The following ESYT1 variants were observed in gnomAD, a reference collection of about 807,000 sequenced individuals.
ESYT1 encodes the protein extended synaptotagmin 1, also known as extended synaptotagmin-1.
Under a neutral mutation model 154.2 loss-of-function variants are expected in ESYT1, and 116 were observed. The observed-to-expected ratio is 0.75, with a 90% CI of 0.65 to 0.88. The LOEUF (loss-of-function observed/expected upper bound fraction) is 0.88. Among genes scored for constraint, ESYT1 ranks in the 40% least tolerant of loss-of-function variants. The probability of loss-of-function intolerance (pLI) is 0.00; values close to 1 mark genes in which losing one functional copy is unlikely to be tolerated. For missense variants in ESYT1, 1,264 were observed against 1,379.3 expected (o/e 0.92, Z 1.32); for synonymous variants, 500 against 539.9 (o/e 0.93, Z 1.02).
At position 56,143,604 on chromosome 12, in the gene ESYT1, G is replaced by T; in HGVS notation, c.3250G>T (p.Asp1084Tyr). 1 of 1,614,176 alleles carries T rather than the reference G, an allele frequency of 6.2e-7. No individual in the cohort carries two copies. Among genetic ancestry groups the T allele is most frequent in the Non-Finnish European group, 8.5e-7 (1 of 1,180,032 alleles). The change falls in exon 30 of 31, where the codon GAC becomes TAC. Residue 1084 changes from aspartate (D) to tyrosine (Y), a missense_variant. Physicochemically the swap from Asp to Tyr is radical, Grantham distance 160. Coordinates refer to ENST00000394048, the MANE Select transcript of ESYT1 (RefSeq NM_015292.3). ...GGTGCAGCTGGACCTAGCTGAGACA[G>T]ACCTTTCCCAGGGTGTAGCCCGGTG... ...GKVQLDLAETDLSQGVARWYD... is the reference protein window; with the variant it reads ...GKVQLDLAETYLSQGVARWYD...
At chr12:56,143,408 A>T in intron 29 of ESYT1, 75 bp downstream of exon 29, 1 of 1,530,486 alleles carries the variant, frequency 6.5e-7, no homozygotes, top group Non-Finnish European at 9.0e-7. Context: ...CCTGTGAGGA[A>T]GGAAGTACCC....
intron 24 of ESYT1, among the ~76,000 whole-genome samples, 165 bp downstream of exon 24, chr12:56,139,178 G>A (rs1033924276): frequency 1.3e-5 from 2 of 148,892 alleles, no homozygotes; most frequent in Non-Finnish European, 3.0e-5. Flanking sequence ...GTGCTATCTT[G>A]GCTCACTGCA....
chr12:56,139,409 G>A (rs1302992675), intron 24 of ESYT1, among the ~76,000 whole-genome samples: 1 of 151,756 alleles, frequency 6.6e-6, no homozygotes, highest in African/African-American at 2.4e-5. Flanking sequence ...ACCGCACCCG[G>A]CCAAAAGATT....
In ESYT1 at chr12:56,131,067, C is replaced by T. The variant is rs762109837; in HGVS notation, c.595C>T (p.His199Tyr). The change falls in exon 4 of 31, where the codon CAC (histidine) becomes TAC (tyrosine). Residue 199 changes from histidine to tyrosine, a missense_variant. By Grantham distance (83) the His-to-Tyr change is moderately conservative. Coordinates refer to ENST00000394048, the MANE Select transcript of ESYT1 (RefSeq NM_015292.3). ...KPLRIIGVKV[H>Y]PGQRKEQILL... ...ATTGCGCATCATTGGAGTCAAGGTTCACCCAGGTCAGAGAAAAGAGCAGAT... is the reference window on the plus strand; with the variant it reads ...ATTGCGCATCATTGGAGTCAAGGTTTACCCAGGTCAGAGAAAAGAGCAGAT... 1.9e-6 allele frequency: 3 copies of T among 1,614,176 alleles called. 1 individual carries two copies. In the South Asian group the frequency reaches 3.3e-5, roughly 18 times the overall value.
Position 56,137,139 on chromosome 12 carries a change from C to CCT in ESYT1, c.1783-76_1783-75dup. 3.2e-6 allele frequency: 5 copies of CCT among 1,564,054 alleles called. No homozygotes were observed. In the South Asian group the frequency reaches 5.9e-5, roughly 18 times the overall value. ...ACCTAGTTCCCCTGTCACAGCCCCT[C>CCT]CTCTACCCCACCCCACATGCTTTGC... On this transcript the variant is annotated intron_variant, in intron 16 of 30. Coordinates refer to ENST00000394048, the MANE Select transcript of ESYT1 (RefSeq NM_015292.3).
chr12:56,138,690 T>C (rs913524441), intron 22 of ESYT1, 78 bp from the exon 23 acceptor site: 2 of 1,438,926 alleles, frequency 1.4e-6, no homozygotes, highest in African/African-American at 1.4e-5. Flanking sequence ...ACATGGCTGC[T>C]GGCTGTGGAT....
At chr12:56,134,067 C>T (rs752048426) in intron 13 of ESYT1, 43 bp from the exon 14 acceptor site, 6 of 1,611,072 alleles carry the variant, frequency 3.7e-6, no homozygotes, top group Non-Finnish European at 5.1e-6. Context: ...AAACCAAAAC[C>T]GAATCCCCCA....
chr12:56,128,789 A>G lies in ESYT1; in HGVS notation c.390+80A>G, dbSNP rs911809195. The G allele has an allele frequency of 2.6e-6, 4 of 1,552,488 alleles. No homozygotes were observed. In the East Asian group the frequency reaches 6.8e-5, roughly 26 times the overall value. ...TCTGGGGCTTTTCCTCCTTATGCCTAGAGTCAGCTCCCTGCCTTGGGACAG... is the reference window on the plus strand; with the variant it reads ...TCTGGGGCTTTTCCTCCTTATGCCTGGAGTCAGCTCCCTGCCTTGGGACAG... On this transcript the variant is annotated intron_variant, in intron 1 of 30. Coordinates refer to ENST00000394048, the MANE Select transcript of ESYT1 (RefSeq NM_015292.3).
In ESYT1 at chr12:56,142,781, T is replaced by G; in HGVS notation, c.2888+49T>G. 6.2e-7 allele frequency: 1 copy of G among 1,613,432 alleles called. No individual in the cohort carries two copies. The highest frequency in any genetic ancestry group is 1.7e-5 in the Admixed American group (1 of 59,932). On this transcript the variant is annotated intron_variant, in intron 26 of 30. Transcript: ENST00000394048. This position sits in a 1 kb window ranked among gnomAD's most constrained non-coding sequence, Gnocchi z 4.1. ...GGGACGCAGTCAGAAATAAAAAGTA[T>G]TACAGGTTCACTAGGCTCTAGCTTT...
Position 56,143,562 on chromosome 12 carries a change from T to C in ESYT1, c.3226-18T>C. On this transcript the variant is annotated intron_variant, in intron 29 of 30. Transcript: ENST00000394048. ...AATAAAAGAAATAACATCTTTCCCC[T>C]ATCATCTTCCAACACAGGTGCAGCT... The C allele has an allele frequency of 6.2e-7, 1 of 1,613,978 alleles. No homozygotes were observed. The highest frequency in any genetic ancestry group is 8.5e-7 in the Non-Finnish European group (1 of 1,179,970).
chr12:56,130,748 G>A lies in ESYT1; in HGVS notation c.433-43G>A, dbSNP rs762996341. ...GATTCTGAAGGAACTTGCCTTGAGA[G>A]GGAAGACTGGACTCTCCTCTGACCA... On this transcript the variant is annotated intron_variant, in intron 2 of 30. Coordinates refer to ENST00000394048, the MANE Select transcript of ESYT1 (RefSeq NM_015292.3). 5 of 1,613,266 alleles carry A rather than the reference G, an allele frequency of 3.1e-6. No homozygotes were observed. The Middle Eastern group carries it at 8.6e-4, about 277-fold the overall frequency.
rs957602380 is a variant in ESYT1 at position 56,144,557 on chromosome 12, T to C, written c.*695T>C. On this transcript the variant is annotated 3_prime_UTR_variant, in exon 31 of 31. Transcript: ENST00000394048. ...AGGACTTGGGACAGCAGGGCCAATTTTTTTGCCCAAGTGCCTAGGCTGCTA... is the reference window on the plus strand; with the variant it reads ...AGGACTTGGGACAGCAGGGCCAATTCTTTTGCCCAAGTGCCTAGGCTGCTA... 2 of 985,364 alleles carry C rather than the reference T, an allele frequency of 2.0e-6. No individual in the cohort carries two copies. Among genetic ancestry groups the C allele is most frequent in the African/African-American group, 1.7e-5 (1 of 57,218 alleles). The allele number at this position is 985,364 out of a possible 1,614,324, so 61.0% of individuals were successfully genotyped here.
rs1445072079 is a variant in ESYT1 at position 56,142,929 on chromosome 12, T to C, written c.2983T>C (p.Cys995Arg). The change falls in exon 27 of 31, where the codon TGC becomes CGC. Residue 995 changes from cysteine to arginine, a missense_variant. By Grantham distance (180) the Cys-to-Arg change is radical. Coordinates refer to ENST00000394048, the MANE Select transcript of ESYT1 (RefSeq NM_015292.3). The surrounding 1 kb of genome is among the most constrained non-coding windows in gnomAD (Gnocchi z 4.1). ...ERKLVSIVHG[C>R]RSLRQNGRDP... ...AAAGCTGGTCAGCATTGTTCATGGT[T>C]GCCGGTGAGACCCCATCCCTCCTGT... The C allele has an allele frequency of 6.2e-7, 1 of 1,614,178 alleles. No individual in the cohort carries two copies.
rs971589082 is a variant in ESYT1 at position 56,132,507 on chromosome 12, C to A, written c.1071C>A (p.Asp357Glu). 2 of 1,614,090 alleles carry A rather than the reference C, an allele frequency of 1.2e-6. No homozygotes were observed. The highest frequency in any genetic ancestry group is 2.7e-5 in the African/African-American group (2 of 74,924). The stretch of plus-strand genomic sequence containing the variant: ...AGGGCCTGATTGAGGGCAAGTCAGA[C>A]CCATATGCACTTGTGCGTTTGGGTA... ...YVKGLIEGKS[D>E]PYALVRLGTQ... Residue 357 changes from aspartate to glutamate, a missense_variant, in exon 9 of 31, where the codon GAC becomes GAA. Transcript: ENST00000394048.
At chr12:56,136,652 G>C in intron 15 of ESYT1, 92 bp from the exon 16 acceptor site, 1 of 1,139,454 alleles carries the variant, frequency 8.8e-7, no homozygotes, top group Non-Finnish European at 1.2e-6. Context: ...TTGGTACAGA[G>C]AGGAATGAAG....
intron 15 of ESYT1, among the ~76,000 whole-genome samples, chr12:56,135,038 T>C (rs973206875): frequency 6.6e-6 from 1 of 152,028 alleles, no homozygotes; most frequent in Non-Finnish European, 1.5e-5. Context: ...TTAACAATTT[T>C]ATTGAGGCAT....
At position 56,138,499 on chromosome 12, in the gene ESYT1, G is replaced by A. The variant is rs766881265; in HGVS notation, c.2433G>A (p.Pro811=). 34 of 1,603,332 alleles carry A rather than the reference G, an allele frequency of 2.1e-5. No homozygotes were observed. Among genetic ancestry groups the A allele is most frequent in the Middle Eastern group, 1.7e-4 (1 of 6,018 alleles). ...ATATGGAGCGGGCAGAGGACCTCCC[G>A]GTGAGATCCCGCTCCCCATGCCCCA... is the stretch of plus-strand genomic sequence containing the variant. The part of the protein sequence containing the change: ...SIYMERAEDL[P]LRKGTKHLSP... Residue 811 remains proline, a splice_region_variant and synonymous_variant, in exon 22 of 31, where the codon CCG becomes CCA. Transcript: ENST00000394048.
At position 56,137,170 on chromosome 12, in the gene ESYT1, G is replaced by C. The variant is rs1306731619; in HGVS notation, c.1783-48G>C. ...CCCCACCCCACATGCTTTGCCTGCT[G>C]GTGACGAGCTGCACTTCTTTGATTC... On this transcript the variant is annotated intron_variant, in intron 16 of 30. Transcript: ENST00000394048. 3.1e-6 allele frequency: 5 copies of C among 1,608,682 alleles called. No homozygotes were observed. In the African/African-American group the frequency reaches 6.7e-5, roughly 21 times the overall value.
rs1365334589 is a variant in ESYT1 at position 56,128,378 on chromosome 12, C to T, written c.59C>T (p.Pro20Leu). 6.2e-7 allele frequency: 1 copy of T among 1,612,392 alleles called. No homozygotes were observed. The highest frequency in any genetic ancestry group is 8.5e-7 in the Non-Finnish European group (1 of 1,179,282). Residue 20 changes from proline to leucine, a missense_variant, in exon 1 of 31, where the codon CCC becomes CTC. Physicochemically the swap from Pro to Leu is moderately conservative, Grantham distance 98 (BLOSUM62 -3). Transcript: ENST00000394048. ...AGCCCCATGGACCAGCCCTCTGCTC[C>T]CTCCGACCCCACTGACCAGCCCCCC... ...SPSPMDQPSA[P>L]SDPTDQPPAA...
Sources: allele counts gnomAD v4.1 joint callset (sites outside exome capture counted in the v4.1 genomes callset), GRCh38; gene constraint gnomAD v4.1.1; non-coding constraint Gnocchi (gnomAD v3.1); transcripts MANE v1.5; gene names NCBI Gene and HGNC (gene_info 2026-07-23, HGNC 2026-07-21).